Variants in GPRIN3 observed in about 807,000 individuals in gnomAD.
GPRIN3 encodes G protein-regulated inducer of neurite outgrowth 3.
A neutral mutation model predicts 13.7 loss-of-function variants in GPRIN3; 12 were observed. The ratio of observed to expected loss-of-function variants is 0.87; its 90% CI spans 0.56 to 1.42. The LOEUF (loss-of-function observed/expected upper bound fraction) is 1.42. GPRIN3 is among the 40% of genes most tolerant of loss of function. The probability of loss-of-function intolerance (pLI) is 0.00; values close to 1 mark genes in which losing one functional copy is unlikely to be tolerated. For synonymous variants in GPRIN3, 377 were observed against 372.7 expected, an observed-to-expected ratio of 1.01 and a Z score of -0.13; for missense variants, 1,009 against 958.7, an observed-to-expected ratio of 1.05 and a Z score of -0.69.
At position 89,240,431 on chromosome 4, in the gene GPRIN3, A is replaced by G. The variant is rs1420469828; in HGVS notation, c.*7349T>C. 2.0e-5 allele frequency: 3 copies of G among 152,192 alleles called. No homozygotes were observed. Among genetic ancestry groups the G allele is most frequent in the Admixed American group, 6.5e-5 (1 of 15,288 alleles). The allele number at this position is 152,192 out of a possible 1,614,324, so 9.4% of individuals were successfully genotyped here. On this transcript the variant is annotated 3_prime_UTR_variant, in exon 2 of 2. Transcript: ENST00000609438. ...TGAGCTCAAGAGAAGAATGCCTGTG[A>G]TCATATCCACTTTGAGTGATTATAC... is the stretch of plus-strand genomic sequence containing the variant.
chr4:89,253,564 T>G (rs1723388173), intron 1 of GPRIN3, among the ~76,000 whole-genome samples: 1 of 152,178 alleles, frequency 6.6e-6, no homozygotes, highest in African/African-American at 2.4e-5. Flanking sequence ...CAGCTCAAAG[T>G]TCAGCAACTG....
chr4:89,255,884 A>G (rs1278197535), intron 1 of GPRIN3, among the ~76,000 whole-genome samples: 1 of 152,240 alleles, frequency 6.6e-6, no homozygotes, highest in Non-Finnish European at 1.5e-5. Context: ...ATCACACAGA[A>G]GCTAATGGTA....
chr4:89,249,825 A>G lies in GPRIN3; in HGVS notation c.286T>C (p.Ser96Pro). 9 of 1,614,094 alleles carry G rather than the reference A, an allele frequency of 5.6e-6. No individual in the cohort carries two copies. The highest frequency in any genetic ancestry group is 7.6e-6 in the Non-Finnish European group (9 of 1,180,006). ...CCTGGCAGCTGGGGATTGCCGGGAGAGTTGAATGTGGCAGGTGCTTTCTGC... is the reference window on the plus strand; with the variant it reads ...CCTGGCAGCTGGGGATTGCCGGGAGGGTTGAATGTGGCAGGTGCTTTCTGC... ...EVQKAPATFN[S>P]PGNPQLPGSS... The change falls in exon 2 of 2, where the codon TCT (serine) becomes CCT (proline). Residue 96 changes from serine to proline, a missense_variant. By Grantham distance (74) the Ser-to-Pro change is moderately conservative. Transcript: ENST00000609438.
intron 1 of GPRIN3, among the ~76,000 whole-genome samples, chr4:89,270,565 T>TATA (rs1553951326): frequency 2.4e-5 from 2 of 82,348 alleles, no homozygotes; most frequent in Non-Finnish European, 4.3e-5. Context: ...TGTATATAAT[T>TATA]TATATATATA....
At chr4:89,254,152 G>GTGTGTGTGTGTGT (rs1723407257) in intron 1 of GPRIN3, among the ~76,000 whole-genome samples, 1 of 57,560 alleles carries the variant, frequency 1.7e-5, no homozygotes, top group Admixed American at 1.4e-4. Context: ...TGTGTGTGTG[G>GTGTGTGTGTGTGT]AGTGTGTGTC....
chr4:89,297,557 T>C (rs1327476833), intron 1 of GPRIN3, among the ~76,000 whole-genome samples: 5 of 152,156 alleles, frequency 3.3e-5, no homozygotes, highest in African/African-American at 1.2e-4. Flanking sequence ...GTCTCTGCGC[T>C]CCAAGGCAAA....
chr4:89,243,065 T>C lies in GPRIN3; in HGVS notation c.*4715A>G, dbSNP rs1722988351. On this transcript the variant is annotated 3_prime_UTR_variant, in exon 2 of 2. Transcript: ENST00000609438. ...ACAGTTAAAAGTAGCTGTAATGACCTCTGGCAGATGTCACTGATCACTTGG... is the reference window on the plus strand; with the variant it reads ...ACAGTTAAAAGTAGCTGTAATGACCCCTGGCAGATGTCACTGATCACTTGG... The C allele has an allele frequency of 6.6e-6, 1 of 152,206 alleles. No individual in the cohort carries two copies. The highest frequency in any genetic ancestry group is 1.5e-5 in the Non-Finnish European group (1 of 68,048). The allele number at this position is 152,206 out of a possible 1,614,324, so 9.4% of individuals were successfully genotyped here. A position where few individuals can be genotyped will look rare whatever the true frequency, so the allele number is the denominator to read the frequency against.
At chr4:89,276,692 C>T (rs144532979) in intron 1 of GPRIN3, among the ~76,000 whole-genome samples, 129 of 152,290 alleles carry the variant, frequency 8.5e-4, no homozygotes, top group African/African-American at 2.9e-3. Flanking sequence ...TCTTGTCAGG[C>T]CTATTAGCAC....
At chr4:89,265,047 T>C (rs947203669) in intron 1 of GPRIN3, among the ~76,000 whole-genome samples, 6 of 152,210 alleles carry the variant, frequency 3.9e-5, no homozygotes, top group African/African-American at 1.4e-4. Flanking sequence ...ATTTGTAGTA[T>C]GCTACAGTTT....
chr4:89,243,876 G>A lies in GPRIN3; in HGVS notation c.*3904C>T, dbSNP rs1251979819. 6.6e-6 allele frequency: 1 copy of A among 152,176 alleles called. No homozygotes were observed. The highest frequency in any genetic ancestry group is 1.5e-5 in the Non-Finnish European group (1 of 68,016). The allele number at this position is 152,176 out of a possible 1,614,324, so 9.4% of individuals were successfully genotyped here. ...GTAGACAAGGGATGTGGTTAATTAT[G>A]TGTTACTAGGAGTAGACAAAATTTT... On this transcript the variant is annotated 3_prime_UTR_variant, in exon 2 of 2. Coordinates refer to ENST00000609438, the MANE Select transcript of GPRIN3 (RefSeq NM_198281.3).
chr4:89,286,590 A>AT (rs376443587), intron 1 of GPRIN3, among the ~76,000 whole-genome samples: 3,227 of 151,820 alleles, frequency 0.021, 50 homozygotes, highest in Non-Finnish European at 0.028. Flanking sequence ...TCCCAATTCA[A>AT]TTTTTTTTGT....
rs1443069332 is a variant in GPRIN3 at position 89,239,334 on chromosome 4, T to C, written c.*8446A>G. The C allele has an allele frequency of 6.6e-6, 1 of 152,112 alleles. No homozygotes were observed. Among genetic ancestry groups the C allele is most frequent in the African/African-American group, 2.4e-5 (1 of 41,410 alleles). 9.4% of individuals were successfully genotyped at this position (152,112 alleles called of 1,614,324 possible). On this transcript the variant is annotated 3_prime_UTR_variant, in exon 2 of 2. Coordinates refer to ENST00000609438, the MANE Select transcript of GPRIN3 (RefSeq NM_198281.3). The stretch of plus-strand genomic sequence containing the variant: ...AAGTTATAATTTTTCTGGGTATTAT[T>C]CAAATTAATACACATCTTTCAAAAA...
chr4:89,269,209 C>T (rs1723860586), intron 1 of GPRIN3, among the ~76,000 whole-genome samples: 1 of 152,136 alleles, frequency 6.6e-6, no homozygotes, highest in East Asian at 1.9e-4. Flanking sequence ...GACCATCGTT[C>T]CTGCTTCTCA....
In GPRIN3 at chr4:89,297,631, G is replaced by C. The variant is rs142730984; in HGVS notation, c.-124+9984C>G. 1.1e-3 allele frequency among the ~76,000 whole-genome samples: 161 copies of C among 152,298 alleles called. 3 individuals are homozygous for C. The highest frequency in any genetic ancestry group is 3.7e-3 in the African/African-American group (153 of 41,578). ...GGAATCACTTACTAGGCATTTCAGA[G>C]GCATGAATTACCACTTAAACTTCCA... is the stretch of plus-strand genomic sequence containing the variant. On this transcript the variant is annotated intron_variant, in intron 1 of 1. Coordinates refer to ENST00000609438, the MANE Select transcript of GPRIN3 (RefSeq NM_198281.3).
chr4:89,248,318 T>C lies in GPRIN3; in HGVS notation c.1793A>G (p.Gln598Arg). The C allele has an allele frequency of 6.2e-7, 1 of 1,614,176 alleles. No homozygotes were observed. The highest frequency in any genetic ancestry group is 2.2e-5 in the East Asian group (1 of 44,874). ...GCTCAGGCTGGTGGCTGTCTTGGTC[T>C]GTCTGTTTTCTTCTAAGGTGCTCTC... Reference protein sequence around the residue: ...NQESTLEENRQTKTATSLSLP... With the variant: ...NQESTLEENRRTKTATSLSLP... Residue 598 changes from glutamine to arginine, a missense_variant, in exon 2 of 2, where the codon CAG becomes CGG. Physicochemically the swap from Gln to Arg is conservative, Grantham distance 43 (BLOSUM62 1). Transcript: ENST00000609438.
At chr4:89,269,928 C>G (rs917172082) in intron 1 of GPRIN3, among the ~76,000 whole-genome samples, 7 of 152,160 alleles carry the variant, frequency 4.6e-5, no homozygotes, top group African/African-American at 1.7e-4. Context: ...GTCCTTTTAA[C>G]TTAAAATAAT....
intron 1 of GPRIN3, among the ~76,000 whole-genome samples, chr4:89,285,406 A>C (rs1007173644): frequency 6.6e-6 from 1 of 152,168 alleles, no homozygotes. Context: ...GATTTGAGTA[A>C]TAACTTTGTC....
At chr4:89,285,342 T>C (rs531938042) in intron 1 of GPRIN3, among the ~76,000 whole-genome samples, 255 of 126,142 alleles carry the variant, frequency 2.0e-3, no homozygotes, top group African/African-American at 6.2e-3. Flanking sequence ...GAACTTAAAG[T>C]ATAATAATTA....
At chr4:89,251,498 T>G (rs1723324327) in intron 1 of GPRIN3, among the ~76,000 whole-genome samples, 1 of 152,156 alleles carries the variant, frequency 6.6e-6, no homozygotes, top group Admixed American at 6.5e-5. Context: ...TATATGAATA[T>G]GGGGATGTTT....
Sources: allele counts gnomAD v4.1 joint callset (sites outside exome capture counted in the v4.1 genomes callset), GRCh38; gene constraint gnomAD v4.1.1; transcripts MANE v1.5; gene names NCBI Gene and HGNC (gene_info 2026-07-23, HGNC 2026-07-21).